ST13: variants seen among roughly 807,000 people sequenced by gnomAD.
ST13 encodes the protein ST13 Hsp70 interacting protein.
A neutral mutation model predicts 56.7 loss-of-function variants in ST13; 23 were observed. The observed-to-expected ratio is 0.41, with a 90% confidence interval of 0.29 to 0.57. The LOEUF (loss-of-function observed/expected upper bound fraction) is 0.57, where lower values mean the gene tolerates loss of function less well. Ranked by LOEUF, ST13 falls within the 20% of genes least tolerant of loss-of-function variation. The pLI is 0.36. For synonymous variants in ST13, 132 were observed against 142.4 expected, an observed-to-expected ratio of 0.93 and a Z score of 0.52; for missense variants, 369 against 459.9, an observed-to-expected ratio of 0.80 and a Z score of 1.81.
intron 5 of ST13, among the ~76,000 whole-genome samples, chr22:40,838,062 A>C (rs1013537953): frequency 1.3e-5 from 2 of 152,176 alleles, no homozygotes; most frequent in African/African-American, 4.8e-5. Flanking sequence ...GAGTTGGTAA[A>C]CGTTTTCTGG....
intron 10 of ST13, among the ~76,000 whole-genome samples, chr22:40,829,182 C>A (rs920587204): frequency 1.3e-5 from 2 of 152,154 alleles, no homozygotes; most frequent in African/African-American, 4.8e-5. Flanking sequence ...TATAAGCATA[C>A]GTAGCCTCTA....
At chr22:40,828,675 G>C (rs2057740242) in intron 10 of ST13, among the ~76,000 whole-genome samples, 1 of 151,990 alleles carries the variant, frequency 6.6e-6, no homozygotes, top group Non-Finnish European at 1.5e-5. Flanking sequence ...AAGGGTCACT[G>C]TAAGTAAAGC....
chr22:40,848,451 A>G lies in ST13; in HGVS notation c.169-82T>C, dbSNP rs201590584. The G allele has an allele frequency of 2.2e-5, 22 of 1,012,950 alleles. No homozygotes were observed. In the East Asian group the frequency reaches 4.6e-4, roughly 21 times the overall value. The allele number at this position is 1,012,950 out of a possible 1,614,324, so 62.7% of individuals were successfully genotyped here. A position where few individuals can be genotyped will look rare whatever the true frequency, so the allele number is the denominator to read the frequency against. ...TACTAATTTCTACAAATCTATGTAT[A>G]AACTGTCAAATATGGCCAGGCATGG... On this transcript the variant is annotated intron_variant, in intron 2 of 11. Transcript: ENST00000216218.
rs1170130987 is a variant in ST13 at position 40,825,020 on chromosome 22, C to A, written c.*1518G>T. On this transcript the variant is annotated 3_prime_UTR_variant, in exon 12 of 12. Coordinates refer to ENST00000216218, the MANE Select transcript of ST13 (RefSeq NM_003932.5). ...ATAAGCAAAGTACAGAAGGCCTTAT[C>A]CCTTGAAAATGTTTTTAAACACTAG... 6.6e-6 allele frequency: 1 copy of A among 152,092 alleles called. No individual in the cohort carries two copies. Among genetic ancestry groups the A allele is most frequent in the African/African-American group, 2.4e-5 (1 of 41,416 alleles). The allele number at this position is 152,092 out of a possible 1,614,324, so 9.4% of individuals were successfully genotyped here. A position where few individuals can be genotyped will look rare whatever the true frequency, so the allele number is the denominator to read the frequency against.
chr22:40,826,341 C>G lies in ST13; in HGVS notation c.*197G>C, dbSNP rs569974319. The G allele has an allele frequency of 1.2e-5, 5 of 401,734 alleles. No individual in the cohort carries two copies. The highest frequency in any genetic ancestry group is 2.2e-5 in the Non-Finnish European group (5 of 227,362). The allele number at this position is 401,734 out of a possible 1,614,324, so 24.9% of individuals were successfully genotyped here. A position where few individuals can be genotyped will look rare whatever the true frequency, so the allele number is the denominator to read the frequency against. ...GTAATTCCTAGTAGGAAAACATTAT[C>G]TGAATGAATACCCTAATGGCAAACC... On this transcript the variant is annotated 3_prime_UTR_variant, in exon 12 of 12. Transcript: ENST00000216218.
At chr22:40,853,949 C>T (rs956750162) in intron 1 of ST13, among the ~76,000 whole-genome samples, 1 of 152,208 alleles carries the variant, frequency 6.6e-6, no homozygotes, top group Non-Finnish European at 1.5e-5. Context: ...TTGAAAAGAA[C>T]AGTCTCCTGG....
intron 4 of ST13, among the ~76,000 whole-genome samples, chr22:40,843,934 G>A (rs1316259940): frequency 6.6e-6 from 1 of 150,848 alleles, no homozygotes; most frequent in African/African-American, 2.4e-5. Flanking sequence ...TCAGGCTGGA[G>A]TGCAGGGGTG....
intron 7 of ST13, among the ~76,000 whole-genome samples, chr22:40,833,660 G>A (rs2057764419): frequency 6.6e-6 from 1 of 151,872 alleles, no homozygotes; most frequent in Non-Finnish European, 1.5e-5. Context: ...TGGATCACCT[G>A]AGGTCAGGAG....
chr22:40,850,774 AATCTT>A lies in ST13; in HGVS notation c.168+44_168+48del, dbSNP rs1203282884. ...AGCAGTTTAAAAACAACCCCTAAGAAATCTTATAGTACTTTATCACAAAACATACA... is the reference window on the plus strand; with the variant it reads ...AGCAGTTTAAAAACAACCCCTAAGAAATAGTACTTTATCACAAAACATACA... On this transcript the variant is annotated intron_variant, in intron 2 of 11. Coordinates refer to ENST00000216218, the MANE Select transcript of ST13 (RefSeq NM_003932.5). 2.1e-6 allele frequency: 3 copies of A among 1,422,578 alleles called. No homozygotes were observed. In the African/African-American group the frequency reaches 4.3e-5, roughly 21 times the overall value. The allele number at this position is 1,422,578 out of a possible 1,614,324, so 88.1% of individuals were successfully genotyped here.
In ST13 at chr22:40,856,355, C is replaced by A; in HGVS notation, c.110+76G>T. The A allele has an allele frequency of 6.0e-6, 8 of 1,329,688 alleles. 1 individual carries two copies. The South Asian group carries it at 8.3e-5, about 14-fold the overall frequency. The allele number at this position is 1,329,688 out of a possible 1,614,324, so 82.4% of individuals were successfully genotyped here. ...AGCGACCCCGCCTCGCCCGCCGGAC[C>A]GAGCCAGGTCCAGCCTGGCTCCCCC... On this transcript the variant is annotated intron_variant, in intron 1 of 11. Coordinates refer to ENST00000216218, the MANE Select transcript of ST13 (RefSeq NM_003932.5).
In ST13 at chr22:40,840,335, CT is replaced by C. The variant is rs34104893; in HGVS notation, c.382+290del. On this transcript the variant is annotated intron_variant, in intron 5 of 11. Transcript: ENST00000216218. ...GTTAAGGGTCACTGTTCTACTACTA[CT>C]TTTTTTTTTTTTTTTTAAAGCCTTT... Among the ~76,000 whole-genome samples the C allele has an allele frequency of 9.8e-3, 1,375 of 140,164 alleles. 3 individuals are homozygous for C. Among genetic ancestry groups the C allele is most frequent in the Admixed American group, 0.014 (195 of 13,892 alleles). The allele number at this position is 140,164 out of a possible 152,430, so 92.0% of individuals were successfully genotyped here.
In ST13 at chr22:40,827,199, A is replaced by G. The variant is rs1214747452; in HGVS notation, c.878T>C (p.Phe293Ser). 4 of 1,613,618 alleles carry G rather than the reference A, an allele frequency of 2.5e-6. No individual in the cohort carries two copies. The South Asian group carries it at 4.4e-5, about 18-fold the overall frequency. ...TCCCATTCCAGGCATTCCTCCGGGA[A>G]AATTACCAGGCATTCCCCCAGGAAA... ...GGFPGGMPGN[F>S]PGGMPGMGGG... Residue 293 changes from phenylalanine (F) to serine (S), a missense_variant, in exon 11 of 12, where the codon TTT becomes TCT. Coordinates refer to ENST00000216218, the MANE Select transcript of ST13 (RefSeq NM_003932.5).
chr22:40,850,110 T>A (rs1329740083), intron 2 of ST13, among the ~76,000 whole-genome samples: 1 of 151,638 alleles, frequency 6.6e-6, no homozygotes, highest in African/African-American at 2.4e-5. Flanking sequence ...ATAGAAAAAT[T>A]AGCCAGGCAT....
intron 8 of ST13, 149 bp from the exon 9 acceptor site, chr22:40,831,105 G>A: frequency 1.7e-6 from 1 of 601,696 alleles, no homozygotes; most frequent in South Asian, 2.3e-5. Context: ...CACAAGCTAA[G>A]CCTTTAAGAA....
chr22:40,844,705 T>A (rs944946205), intron 4 of ST13, 134 bp downstream of exon 4: 4 of 669,960 alleles, frequency 6.0e-6, no homozygotes, highest in African/African-American at 5.5e-5. Context: ...AATACAATGC[T>A]TGCCTAAAAC....
intron 10 of ST13, among the ~76,000 whole-genome samples, chr22:40,829,065 T>A (rs1452827026): frequency 1.3e-5 from 2 of 152,214 alleles, no homozygotes; most frequent in African/African-American, 4.8e-5. Context: ...CAGGTCATCC[T>A]CAATATTTGT....
chr22:40,855,506 G>A (rs2057886075), intron 1 of ST13, among the ~76,000 whole-genome samples: 1 of 152,144 alleles, frequency 6.6e-6, no homozygotes, highest in South Asian at 2.1e-4. Context: ...GCAATGGTCT[G>A]CATAGTTGCT....
intron 5 of ST13, 72 bp from the exon 6 acceptor site, chr22:40,835,959 T>G (rs977307129): frequency 1.8e-4 from 205 of 1,137,764 alleles, no homozygotes; most frequent in Non-Finnish European, 2.3e-4. Flanking sequence ...TGATCTGTTA[T>G]CCAGTTAAGT....
At chr22:40,852,402 G>T (rs748079765) in intron 1 of ST13, among the ~76,000 whole-genome samples, 2 of 152,156 alleles carry the variant, frequency 1.3e-5, no homozygotes, top group Non-Finnish European at 2.9e-5. Flanking sequence ...TGAAGGTGTT[G>T]TCTGTATTCT....
Sources: allele counts gnomAD v4.1 joint callset (sites outside exome capture counted in the v4.1 genomes callset), GRCh38; gene constraint gnomAD v4.1.1; transcripts MANE v1.5; gene names NCBI Gene and HGNC (gene_info 2026-07-23, HGNC 2026-07-21).